The following PRKCQ variants were observed in gnomAD, a reference collection of about 807,000 sequenced individuals.
The protein encoded by PRKCQ is protein kinase C theta.
In PRKCQ, 41 loss-of-function variants were observed where a neutral mutation model predicts 91.2. The observed-to-expected ratio is 0.45, with a 90% CI of 0.35 to 0.58. The LOEUF is 0.58. Ranked by LOEUF, PRKCQ falls within the 20% of genes least tolerant of loss-of-function variation. The pLI is 0.00. For synonymous variants in PRKCQ, 307 were observed against 316.9 expected, an observed-to-expected ratio of 0.97 and a Z score of 0.33; for missense variants, 673 against 896.5, an observed-to-expected ratio of 0.75 and a Z score of 3.18.
the PRKCQ span, among the ~76,000 whole-genome samples, chr10:6,396,071 A>G: frequency 1.3e-5 from 2 of 152,198 alleles, no homozygotes; most frequent in Non-Finnish European, 2.9e-5. Context: ...GCAAATGGCG[A>G]TCGATAATGA....
intron 1 of PRKCQ, among the ~76,000 whole-genome samples, chr10:6,563,560 G>C (rs1039033350): frequency 1.3e-5 from 2 of 152,048 alleles, no homozygotes; most frequent in Admixed American, 6.5e-5. Context: ...TGACTACCTA[G>C]AGTGCTCTCA....
intron 1 of PRKCQ, among the ~76,000 whole-genome samples, chr10:6,553,045 T>C (rs1038416483): frequency 4.6e-5 from 7 of 152,232 alleles, no homozygotes; most frequent in Non-Finnish European, 8.8e-5. Context: ...TCTGGTTTAA[T>C]AGAAGACAGT....
chr10:6,444,166 G>A (rs371112370), intron 15 of PRKCQ, among the ~76,000 whole-genome samples: 1 of 152,154 alleles, frequency 6.6e-6, no homozygotes, highest in African/African-American at 2.4e-5. Flanking sequence ...TGCCTCCTGG[G>A]TTCAAGTAAT....
the PRKCQ span, among the ~76,000 whole-genome samples, chr10:6,398,370 T>C: frequency 6.6e-6 from 1 of 152,244 alleles, no homozygotes; most frequent in African/African-American, 2.4e-5. Flanking sequence ...AATAAAGGGC[T>C]GTTTGTCATA....
intron 3 of PRKCQ, among the ~76,000 whole-genome samples, chr10:6,508,854 T>C (rs559289444): frequency 4.6e-5 from 7 of 151,984 alleles, no homozygotes; most frequent in Non-Finnish European, 5.9e-5. Context: ...TTTTGGGGAG[T>C]GAATGGGAGA....
chr10:6,401,948 G>A, the PRKCQ span, among the ~76,000 whole-genome samples: 2 of 152,298 alleles, frequency 1.3e-5, no homozygotes, highest in East Asian at 3.9e-4. Flanking sequence ...AGGCAGCCCT[G>A]CCCAGCAGGG....
intron 15 of PRKCQ, among the ~76,000 whole-genome samples, chr10:6,453,810 C>G (rs571680456): frequency 1.1e-3 from 165 of 151,972 alleles, no homozygotes; most frequent in East Asian, 3.5e-3. Flanking sequence ...TCTCAGTAAA[C>G]TATCGCAAGG....
the PRKCQ span, among the ~76,000 whole-genome samples, chr10:6,416,112 A>T: frequency 1.8e-4 from 28 of 152,312 alleles, no homozygotes; most frequent in Admixed American, 3.9e-4. Context: ...GCCTGTAGGA[A>T]TCAAATATTT....
intron 14 of PRKCQ, among the ~76,000 whole-genome samples, chr10:6,460,956 C>T (rs1835298342): frequency 6.6e-6 from 1 of 151,534 alleles, no homozygotes; most frequent in African/African-American, 2.4e-5. Context: ...ATCCATCATC[C>T]ATACATCATC....
rs116038597 is a variant in PRKCQ at position 6,473,432 on chromosome 10, G to C, written c.1353+5560C>G. On this transcript the variant is annotated intron_variant, in intron 12 of 17. Coordinates refer to ENST00000263125, the MANE Select transcript of PRKCQ (RefSeq NM_006257.5). ...AAATTTGCTATAAAATCTAACATTTGCCAAATCACAGTTTGGTTACATAGC... is the reference window on the plus strand; with the variant it reads ...AAATTTGCTATAAAATCTAACATTTCCCAAATCACAGTTTGGTTACATAGC... 3.6e-3 allele frequency among the ~76,000 whole-genome samples: 554 copies of C among 152,318 alleles called. 5 individuals are homozygous for C. The highest frequency in any genetic ancestry group is 0.013 in the African/African-American group (527 of 41,568).
chr10:6,441,216 A>G (rs1833953396), intron 16 of PRKCQ, among the ~76,000 whole-genome samples: 1 of 152,214 alleles, frequency 6.6e-6, no homozygotes, highest in African/African-American at 2.4e-5. Context: ...GTAAAATAAA[A>G]AAAAACCCTC....
At chr10:6,483,748 C>T in intron 10 of PRKCQ, 148 bp from the exon 11 acceptor site, 1 of 892,328 alleles carries the variant, frequency 1.1e-6, no homozygotes, top group South Asian at 1.8e-5. Context: ...ACAGTTCAGG[C>T]AGCTTTAATA....
At chr10:6,464,283 A>G (rs766303212) in intron 13 of PRKCQ, 30 bp downstream of exon 13, 6 of 1,588,206 alleles carry the variant, frequency 3.8e-6, no homozygotes, top group South Asian at 1.1e-5. Context: ...AGAACAGTGG[A>G]AAACTCCCAA....
chr10:6,549,054 G>T (rs182476930), intron 1 of PRKCQ, among the ~76,000 whole-genome samples: 1 of 152,242 alleles, frequency 6.6e-6, no homozygotes, highest in East Asian at 1.9e-4. Context: ...AAGCCATGTT[G>T]TGTTATTAGG....
In PRKCQ at chr10:6,482,487, G is replaced by A. The variant is rs1169078018; in HGVS notation, c.1179+953C>T. On this transcript the variant is annotated intron_variant, in intron 11 of 17. Transcript: ENST00000263125. ...CAGGAGGAAGATGATATGAAGGCATGGAGAGAGGGCGACCATTGCAAAGCA... is the reference window on the plus strand; with the variant it reads ...CAGGAGGAAGATGATATGAAGGCATAGAGAGAGGGCGACCATTGCAAAGCA... Among the ~76,000 whole-genome samples the A allele has an allele frequency of 2.0e-5, 3 of 152,166 alleles. No homozygotes were observed. In the East Asian group the frequency reaches 5.8e-4, roughly 29 times the overall value.
the PRKCQ span, among the ~76,000 whole-genome samples, chr10:6,400,469 G>A: frequency 6.6e-6 from 1 of 152,096 alleles, no homozygotes; most frequent in African/African-American, 2.4e-5. Context: ...TGTCATATAC[G>A]CAGGGCAGTC....
chr10:6,403,947 G>A, the PRKCQ span, among the ~76,000 whole-genome samples: 13 of 152,092 alleles, frequency 8.5e-5, no homozygotes, highest in South Asian at 2.1e-3. Flanking sequence ...AGGTCTTCAT[G>A]ATTTTACAAT....
At chr10:6,575,118 AAC>A (rs1347823607) in intron 1 of PRKCQ, among the ~76,000 whole-genome samples, 2 of 152,182 alleles carry the variant, frequency 1.3e-5, no homozygotes, top group South Asian at 2.1e-4. Flanking sequence ...GCAAATATAA[AAC>A]AGAGTTGCAT....
chr10:6,560,293 G>A (rs1418252926), intron 1 of PRKCQ, among the ~76,000 whole-genome samples: 1 of 152,110 alleles, frequency 6.6e-6, no homozygotes, highest in East Asian at 1.9e-4. Context: ...GGTGTAGGGA[G>A]AACTTTCTGG....
Sources: gnomAD v4.1 joint callset for allele counts (sites outside exome capture counted in the v4.1 genomes callset) on GRCh38, gnomAD v4.1.1 for gene constraint, MANE v1.5 for transcripts, NCBI Gene and HGNC (gene_info 2026-07-23, HGNC 2026-07-21) for gene names.